BRF1: variants seen among roughly 807,000 people sequenced by gnomAD.
The protein encoded by BRF1 is transcription factor IIIB 90 kDa subunit.
Under a neutral mutation model 81.7 loss-of-function variants are expected in BRF1, and 59 were observed. That is an observed-to-expected ratio of 0.72 (90% CI 0.59 to 0.90). The LOEUF is 0.90. Among genes scored for constraint, BRF1 ranks in the 40% least tolerant of loss-of-function variants. The pLI is 0.00. For synonymous variants in BRF1, 491 were observed against 395.6 expected (o/e 1.24, Z -2.86); for missense variants, 1,050 against 936.3 (o/e 1.12, Z -1.58).
chr14:105,217,480 A>G, intron 15 of BRF1, 64 bp downstream of exon 15: 1 of 1,577,434 alleles, frequency 6.3e-7, no homozygotes, highest in Non-Finnish European at 8.7e-7. Flanking sequence ...CAGGACCCGA[A>G]GCCATGGGCC....
At chr14:105,216,227 G>A (rs1223154258) in intron 15 of BRF1, among the ~76,000 whole-genome samples, 1 of 152,230 alleles carries the variant, frequency 6.6e-6, no homozygotes, top group East Asian at 1.9e-4. Flanking sequence ...ATGTGACAGA[G>A]GGGGCTGTGA....
chr14:105,314,553 G>A (rs1195166749), intron 1 of BRF1: 2 of 146,212 alleles, frequency 1.4e-5, no homozygotes, highest in East Asian at 4.0e-4. Flanking sequence ...GTGAGGCGCC[G>A]CCGGAGGAAG....
In BRF1 at chr14:105,310,305, C is replaced by T. The variant is rs587760133; in HGVS notation, c.-162+5017G>A. ...CAGCACTTTGGGAGGTCGAGGCGGG[C>T]GGATCATGAGGTCAGGAGATCAAGA... is the stretch of plus-strand genomic sequence containing the variant. On this transcript the variant is annotated intron_variant, in intron 1 of 17. Coordinates refer to the BRF1 transcript ENST00000327359. 2.6e-4 allele frequency among the ~76,000 whole-genome samples: 39 copies of T among 150,636 alleles called. No homozygotes were observed. In the South Asian group the frequency reaches 6.5e-3, roughly 25 times the overall value.
chr14:105,226,869 G>C (rs1442394489), intron 7 of BRF1, 109 bp from the exon 8 acceptor site: 1 of 1,552,112 alleles, frequency 6.4e-7, no homozygotes, highest in Non-Finnish European at 8.7e-7. Context: ...AGTGCTTTGG[G>C]AGCCCAAGGT....
At position 105,210,130 on chromosome 14, in the gene BRF1, G is replaced by C. The variant is rs1291639684; in HGVS notation, c.*421C>G. The C allele has an allele frequency of 1.2e-5, 3 of 241,676 alleles. No homozygotes were observed. Among genetic ancestry groups the C allele is most frequent in the African/African-American group, 6.8e-5 (3 of 43,830 alleles). The allele number at this position is 241,676 out of a possible 1,614,324, so 15.0% of individuals were successfully genotyped here. ...GTGCTGCTCAGGAGGGGACGGTGCG[G>C]AGGGTGGGCTGGAGACTCCAGAGCT... On this transcript the variant is annotated 3_prime_UTR_variant, in exon 18 of 18. Coordinates refer to ENST00000547530, the MANE Select transcript of BRF1 (RefSeq NM_001519.4). This position sits in a 1 kb window ranked among gnomAD's most constrained non-coding sequence, Gnocchi z 4.7.
rs369388008 is a variant in BRF1, at chr14:105,266,449, G to A, written c.439+6272C>T. ...TAAAAAATTAATCAGTGTTATTTACGTTAGGTAACAGATTAAGGGGAAAAT... is the reference window on the plus strand; with the variant it reads ...TAAAAAATTAATCAGTGTTATTTACATTAGGTAACAGATTAAGGGGAAAAT... On this transcript the variant is annotated intron_variant, in intron 3 of 17. Coordinates refer to ENST00000547530, the MANE Select transcript of BRF1 (RefSeq NM_001519.4). Among the ~76,000 whole-genome samples, 7 of 152,064 alleles carry A rather than the reference G, an allele frequency of 4.6e-5. No individual in the cohort carries two copies. The South Asian group carries it at 6.2e-4, about 14-fold the overall frequency.
At chr14:105,301,794 C>CT (rs139659125), upstream of BRF1, among the ~76,000 whole-genome samples, 4,950 of 152,342 alleles carry the variant, frequency 0.032, 141 homozygotes, top group African/African-American at 0.075. Context: ...TCTGCAGGTG[C>CT]TGTTCACAAT....
chr14:105,312,017 C>A (rs2056585442), intron 1 of BRF1, among the ~76,000 whole-genome samples: 1 of 152,240 alleles, frequency 6.6e-6, no homozygotes, highest in South Asian at 2.1e-4. Flanking sequence ...GCGCTGTGGG[C>A]TGGAGCCGCC....
chr14:105,256,912 G>C (rs28609348), intron 3 of BRF1, among the ~76,000 whole-genome samples: 2 of 152,134 alleles, frequency 1.3e-5, no homozygotes, highest in Middle Eastern at 6.4e-3. Context: ...CCCACCATAT[G>C]GTGGATCTGC....
At chr14:105,265,835 A>G (rs587737214) in intron 3 of BRF1, among the ~76,000 whole-genome samples, 1 of 148,436 alleles carries the variant, frequency 6.7e-6, no homozygotes, top group African/African-American at 2.5e-5. Context: ...CGCGAGGCAG[A>G]GCTTGTAGTG....
chr14:105,312,576 C>T (rs992378917), intron 1 of BRF1, among the ~76,000 whole-genome samples: 2 of 152,246 alleles, frequency 1.3e-5, no homozygotes, highest in African/African-American at 4.8e-5. Context: ...CACACCATGC[C>T]AGGGTCATAG....
At chr14:105,299,690 C>T (rs1251657556) in intron 1 of BRF1, among the ~76,000 whole-genome samples, 1 of 152,190 alleles carries the variant, frequency 6.6e-6, no homozygotes, top group Non-Finnish European at 1.5e-5. Context: ...ATACAGAATA[C>T]CACTATGATG....
At position 105,217,623 on chromosome 14, in the gene BRF1, C is replaced by T. The variant is rs188142316; in HGVS notation, c.1693G>A (p.Ala565Thr). The T allele has an allele frequency of 2.5e-6, 4 of 1,613,356 alleles. No homozygotes were observed. The highest frequency in any genetic ancestry group is 2.2e-5 in the East Asian group (1 of 44,880). ...CTTCGTGACAGCTTCCTGGCACTGG[C>T]GCTATGCTCGGGCTGTGCATCCTCC... is the stretch of plus-strand genomic sequence containing the variant. ...HREDAQPEHS[A>T]SARKLSRRRT... Residue 565 changes from alanine (A) to threonine (T), a missense_variant, in exon 15 of 18, where the codon GCC (alanine) becomes ACC (threonine). Physicochemically the swap from Ala to Thr is moderately conservative, Grantham distance 58. Around this residue, in one of 2 missense-constraint regions of BRF1, gnomAD observed 1,043 missense variants for 915.4 expected, o/e 1.14. Coordinates refer to ENST00000547530, the MANE Select transcript of BRF1 (RefSeq NM_001519.4).
chr14:105,255,471 T>C (rs10136677), intron 4 of BRF1, among the ~76,000 whole-genome samples: 5,250 of 152,292 alleles, frequency 0.034, 302 homozygotes, highest in African/African-American at 0.12. Flanking sequence ...GGACCAGAGG[T>C]GGCAGCACAG....
intron 5 of BRF1, chr14:105,249,303 T>G: frequency 1.3e-6 from 2 of 1,584,804 alleles, no homozygotes; most frequent in South Asian, 2.3e-5. Context: ...GTCCGCCGTG[T>G]GGCTGACACG....
rs1441852162 is a variant in BRF1 at position 105,226,267 on chromosome 14, T to G, written c.939A>C (p.Lys313Asn). The G allele has an allele frequency of 9.9e-6, 16 of 1,614,000 alleles. No homozygotes were observed. In the East Asian group the frequency reaches 3.6e-4, roughly 36 times the overall value. Reference protein sequence around the residue: ...MKQLEQVLSKKLEEVEGEISS... With the variant: ...MKQLEQVLSKNLEEVEGEISS... ...GTTGGTTACCTTCAACCTCCTCCAG[T>G]TTTTTTGACAGGACTTGTTCAAGCT... Residue 313 changes from lysine to asparagine, a missense_variant, in exon 9 of 18, where the codon AAA becomes AAC. Physicochemically the swap from Lys to Asn is moderately conservative, Grantham distance 94. This residue lies in a region of BRF1 where 1,043 missense variants were observed against 915.4 expected (regional missense o/e 1.14). Coordinates refer to ENST00000547530, the MANE Select transcript of BRF1 (RefSeq NM_001519.4).
rs587618586 is a variant in BRF1, at chr14:105,272,457, T to A, written c.439+264A>T. ...AAGTGGGGAGAATCCAGGGCATGAT[T>A]CTCAGGCACCGACAGAACCCTCGCT... On this transcript the variant is annotated intron_variant, in intron 3 of 17. Transcript: ENST00000547530. Among the ~76,000 whole-genome samples the A allele has an allele frequency of 2.6e-5, 4 of 152,262 alleles. No individual in the cohort carries two copies. The South Asian group carries it at 8.3e-4, about 32-fold the overall frequency.
At chr14:105,215,873 C>T (rs1205763241) in intron 15 of BRF1, among the ~76,000 whole-genome samples, 38 of 145,440 alleles carry the variant, frequency 2.6e-4, no homozygotes, top group Non-Finnish European at 5.4e-4. Context: ...CATGCACACA[C>T]ACGCTGCAGG....
intron 3 of BRF1, among the ~76,000 whole-genome samples, chr14:105,270,221 T>C (rs587625864): frequency 1.3e-5 from 2 of 150,682 alleles, no homozygotes; most frequent in African/African-American, 2.4e-5. Flanking sequence ...TAGCCCAGGC[T>C]GGAGTGCAGT....
Sources: gnomAD v4.1 joint callset for allele counts (sites outside exome capture counted in the v4.1 genomes callset) on GRCh38, gnomAD v4.1.1 for gene constraint, gnomAD v4.1.1 regional missense constraint, Gnocchi (gnomAD v3.1) non-coding constraint, MANE v1.5 for transcripts, NCBI Gene and HGNC (gene_info 2026-07-23, HGNC 2026-07-21) for gene names.